MBOAT2: variants seen among roughly 807,000 people sequenced by gnomAD.
MBOAT2 encodes membrane bound glycerophospholipid O-acyltransferase 2.
A neutral mutation model predicts 63.4 loss-of-function variants in MBOAT2; 28 were observed. The observed-to-expected ratio is 0.44, with a 90% CI of 0.33 to 0.61. The LOEUF (loss-of-function observed/expected upper bound fraction) is 0.61. Ranked by LOEUF, MBOAT2 falls within the 20% of genes least tolerant of loss-of-function variation. MBOAT2 has a pLI of 0.03. For missense variants in MBOAT2, 470 were observed against 605.8 expected (o/e 0.78, Z 2.35); for synonymous variants, 211 against 215.6 (o/e 0.98, Z 0.19).
At chr2:8,893,561 C>T (rs1307662217) in intron 4 of MBOAT2, among the ~76,000 whole-genome samples, 4 of 152,222 alleles carry the variant, frequency 2.6e-5, no homozygotes, top group African/African-American at 9.7e-5. Context: ...CCCATTCACA[C>T]CTTTGCATAG....
intron 4 of MBOAT2, among the ~76,000 whole-genome samples, chr2:8,900,376 G>A (rs1664823156): frequency 1.3e-5 from 2 of 152,200 alleles, no homozygotes; most frequent in Admixed American, 6.5e-5. Flanking sequence ...ATAATAGCAT[G>A]ACATCTCTCC....
intron 1 of MBOAT2, chr2:8,974,441 A>G: frequency 2.2e-6 from 1 of 456,540 alleles, no homozygotes; most frequent in Non-Finnish European, 4.4e-6. Context: ...GCAGCCTAGG[A>G]GAAATAAATA....
chr2:8,928,318 C>G (rs566639301), intron 3 of MBOAT2, among the ~76,000 whole-genome samples: 9 of 152,204 alleles, frequency 5.9e-5, no homozygotes, highest in African/African-American at 2.2e-4. Flanking sequence ...TAGAGCAGCA[C>G]TAGACAAGAG....
intron 3 of MBOAT2, among the ~76,000 whole-genome samples, chr2:8,937,595 G>A (rs1667757239): frequency 1.3e-5 from 2 of 152,182 alleles, no homozygotes; most frequent in African/African-American, 2.4e-5. Context: ...CGCTAGGGAT[G>A]TAATACGGTG....
intron 1 of MBOAT2, among the ~76,000 whole-genome samples, chr2:8,982,565 T>C (rs1671273890): frequency 6.6e-6 from 1 of 152,218 alleles, no homozygotes. Flanking sequence ...AAGCTTTCTT[T>C]GCTTCTATGA....
chr2:8,896,494 T>C (rs1262476600), intron 4 of MBOAT2, among the ~76,000 whole-genome samples: 2 of 152,170 alleles, frequency 1.3e-5, no homozygotes, highest in Admixed American at 1.3e-4. Flanking sequence ...TCCTGCAAAC[T>C]GTCTGAGAAA....
intron 6 of MBOAT2, 118 bp from the exon 7 acceptor site, chr2:8,877,331 T>C: frequency 2.1e-6 from 2 of 941,450 alleles, no homozygotes; most frequent in Non-Finnish European, 3.1e-6. Context: ...TCATTTTCAT[T>C]TGTACCCATA....
chr2:8,882,317 C>T (rs1663197964), intron 6 of MBOAT2, among the ~76,000 whole-genome samples, 194 bp downstream of exon 6: 1 of 152,194 alleles, frequency 6.6e-6, no homozygotes, highest in Admixed American at 6.5e-5. Context: ...AGGCAGGGTG[C>T]TACAGGAGCC....
intron 5 of MBOAT2, among the ~76,000 whole-genome samples, chr2:8,886,451 T>C (rs1663557311): frequency 6.6e-6 from 1 of 152,198 alleles, no homozygotes; most frequent in East Asian, 1.9e-4. Context: ...CTCTGAAAGA[T>C]TAGCTGAGAA....
chr2:8,857,823 G>A lies in MBOAT2; in HGVS notation c.*856C>T, dbSNP rs1037900504. 2.0e-5 allele frequency: 3 copies of A among 152,162 alleles called. No individual in the cohort carries two copies. The highest frequency in any genetic ancestry group is 7.2e-5 in the African/African-American group (3 of 41,424). 9.4% of individuals were successfully genotyped at this position (152,162 alleles called of 1,614,324 possible). On this transcript the variant is annotated 3_prime_UTR_variant, in exon 13 of 13. Transcript: ENST00000305997. ...CATGACGGCGCAGAGCCCTGGCATG[G>A]GGGGGAAGCTGCCTGCAGAGTCGCG...
intron 1 of MBOAT2, among the ~76,000 whole-genome samples, chr2:8,968,250 C>A (rs1390561931): frequency 6.6e-6 from 1 of 152,234 alleles, no homozygotes; most frequent in South Asian, 2.1e-4. Context: ...GCCTCTGCTG[C>A]TAATACCCAG....
rs753389873 is a variant in MBOAT2 at position 9,003,234 on chromosome 2, G to A, written c.75+306C>T. 6.1e-4 allele frequency among the ~76,000 whole-genome samples: 93 copies of A among 152,252 alleles called. 1 individual carries two copies. Among genetic ancestry groups the A allele is most frequent in the Admixed American group, 1.2e-3 (19 of 15,296 alleles). ...GGATCCGAGCGCCGCTGCCGCGAAG[G>A]GCAGGGACCGCATGCACACCCGCAC... On this transcript the variant is annotated intron_variant, in intron 1 of 12. Coordinates refer to ENST00000305997, the MANE Select transcript of MBOAT2 (RefSeq NM_138799.4). This position sits in a 1 kb window ranked among gnomAD's most constrained non-coding sequence, Gnocchi z 5.4.
At chr2:8,932,229 A>G (rs978489405) in intron 3 of MBOAT2, among the ~76,000 whole-genome samples, 1 of 152,200 alleles carries the variant, frequency 6.6e-6, no homozygotes, top group African/African-American at 2.4e-5. Context: ...ATACTATTTT[A>G]AAGTCTATGT....
intron 1 of MBOAT2, among the ~76,000 whole-genome samples, chr2:8,997,114 C>T (rs1410901670): frequency 6.6e-6 from 1 of 152,198 alleles, no homozygotes; most frequent in Non-Finnish European, 1.5e-5. Flanking sequence ...GAAAAGCCTG[C>T]TTCAATCACC....
At chr2:8,913,851 T>C (rs560815869) in intron 3 of MBOAT2, among the ~76,000 whole-genome samples, 1 of 152,328 alleles carries the variant, frequency 6.6e-6, no homozygotes, top group African/African-American at 2.4e-5. Flanking sequence ...AAAGTCATTA[T>C]TTGAAAAAGA....
chr2:8,906,416 C>G (rs1665338706), intron 4 of MBOAT2, among the ~76,000 whole-genome samples: 1 of 152,194 alleles, frequency 6.6e-6, no homozygotes, highest in Non-Finnish European at 1.5e-5. Flanking sequence ...TCACTTTGCT[C>G]ACACTCACCA....
intron 4 of MBOAT2, among the ~76,000 whole-genome samples, chr2:8,903,346 T>C (rs1056307279): frequency 6.6e-6 from 1 of 152,060 alleles, no homozygotes; most frequent in African/African-American, 2.4e-5. Context: ...AAATGCACAG[T>C]GCCTGCTTAA....
At chr2:8,872,965 G>T in intron 8 of MBOAT2, 143 bp downstream of exon 8, 1 of 559,706 alleles carries the variant, frequency 1.8e-6, no homozygotes, top group Non-Finnish European at 3.0e-6. Flanking sequence ...TATGAGTTGC[G>T]AGGGCTGTTT....
chr2:8,987,744 T>C (rs1444153127), intron 1 of MBOAT2, among the ~76,000 whole-genome samples: 3 of 152,188 alleles, frequency 2.0e-5, no homozygotes, highest in Admixed American at 1.3e-4. Context: ...TGCCCTGGGA[T>C]TCCTCACAAC....
Sources: allele counts gnomAD v4.1 joint callset (sites outside exome capture counted in the v4.1 genomes callset), GRCh38; gene constraint gnomAD v4.1.1; non-coding constraint Gnocchi (gnomAD v3.1); transcripts MANE v1.5; gene names NCBI Gene and HGNC (gene_info 2026-07-23, HGNC 2026-07-21).